The following SPATA16 variants were observed in gnomAD, a reference collection of about 807,000 sequenced individuals.
SPATA16 encodes spermatogenesis-associated protein 16.
SPATA16 carries 36 observed loss-of-function variants against 63.3 expected under a neutral mutation model. That is an observed-to-expected ratio of 0.57 (90% CI 0.44 to 0.75). SPATA16 has a LOEUF of 0.75. Ranked by LOEUF, SPATA16 falls within the 30% of genes least tolerant of loss-of-function variation. The pLI is 0.00. For synonymous variants in SPATA16, 203 were observed against 216.7 expected, an observed-to-expected ratio of 0.94 and a Z score of 0.56; for missense variants, 646 against 679.3, an observed-to-expected ratio of 0.95 and a Z score of 0.54.
At chr3:172,984,267 C>G (rs1448314095) in intron 4 of SPATA16, among the ~76,000 whole-genome samples, 2 of 152,182 alleles carry the variant, frequency 1.3e-5, no homozygotes, top group African/African-American at 4.8e-5. Context: ...CGACGCTGAT[C>G]TAGACTGTAA....
intron 3 of SPATA16, among the ~76,000 whole-genome samples, chr3:173,023,807 A>C (rs758105085): frequency 2.8e-4 from 42 of 151,668 alleles, no homozygotes; most frequent in Non-Finnish European, 5.5e-4. Flanking sequence ...AAAACTCTGC[A>C]TGAGAATATA....
rs755609627 is a variant in SPATA16 at position 172,925,383 on chromosome 3, CA to C, written c.1190del (p.Leu397TrpfsTer21). On this transcript the variant is annotated frameshift_variant, in exon 7 of 11. Transcript: ENST00000351008. LOFTEE classifies it high-confidence loss of function. Reference protein sequence around the residue: ...GFKNKDDGKFLEKISSRKLPI... With the variant: ...GFKNKDDGKFXEKISSRKLPI... ...GCAGCTTCCTGCTTGATATTTTTTC[CA>C]AAAATTTTCCATCATCTTTGTTTTT... 3.1e-6 allele frequency: 5 copies of C among 1,613,860 alleles called. No homozygotes were observed. Among genetic ancestry groups the C allele is most frequent in the Non-Finnish European group, 4.2e-6 (5 of 1,179,918 alleles).
At chr3:172,939,108 A>G (rs1733083363) in intron 6 of SPATA16, among the ~76,000 whole-genome samples, 1 of 152,058 alleles carries the variant, frequency 6.6e-6, no homozygotes, top group Non-Finnish European at 1.5e-5. Context: ...GGCCAAAACC[A>G]ATGTATACTC....
intron 6 of SPATA16, among the ~76,000 whole-genome samples, chr3:172,942,290 G>A (rs1392109): frequency 0.087 from 13,188 of 151,838 alleles, 1,895 homozygotes; most frequent in African/African-American, 0.3. Context: ...TAATTAAATA[G>A]ATAAATAAGT....
At chr3:173,063,845 T>C (rs528413880) in intron 2 of SPATA16, among the ~76,000 whole-genome samples, 1 of 152,334 alleles carries the variant, frequency 6.6e-6, no homozygotes, top group East Asian at 1.9e-4. Context: ...AAAAGTTATA[T>C]GCTTATAAAA....
chr3:173,123,924 T>G (rs1738157412), intron 1 of SPATA16, among the ~76,000 whole-genome samples: 1 of 152,118 alleles, frequency 6.6e-6, no homozygotes, highest in Non-Finnish European at 1.5e-5. Context: ...TTTTTAGTGT[T>G]TTTAAAGATC....
chr3:173,014,814 G>T (rs1406218123), intron 4 of SPATA16, among the ~76,000 whole-genome samples: 1 of 152,064 alleles, frequency 6.6e-6, no homozygotes, highest in African/African-American at 2.4e-5. Context: ...TGTTTTCCTG[G>T]CGTAATTCTT....
At chr3:173,088,030 CTTTCTT>C (rs1737111957) in intron 2 of SPATA16, among the ~76,000 whole-genome samples, 4 of 130,310 alleles carry the variant, frequency 3.1e-5, no homozygotes, top group African/African-American at 1.1e-4. Context: ...TTCTTTCTTT[CTTTCTT>C]TCTTTCTTTC....
At chr3:173,014,033 A>G (rs1445406359) in intron 4 of SPATA16, among the ~76,000 whole-genome samples, 1 of 152,132 alleles carries the variant, frequency 6.6e-6, no homozygotes, top group African/African-American at 2.4e-5. Flanking sequence ...TCCCGCCTCA[A>G]AAGAACTTAA....
chr3:173,067,444 G>T (rs1736548312), intron 2 of SPATA16, among the ~76,000 whole-genome samples: 1 of 152,192 alleles, frequency 6.6e-6, no homozygotes. Flanking sequence ...CCTACTTGAA[G>T]ATGGAGAATG....
chr3:173,104,674 G>A (rs1031272963), intron 2 of SPATA16, among the ~76,000 whole-genome samples: 1 of 152,136 alleles, frequency 6.6e-6, no homozygotes, highest in African/African-American at 2.4e-5. Flanking sequence ...CCCAACTCTA[G>A]CACAGAGGAT....
At chr3:172,897,045 C>A (rs1732024032) in intron 10 of SPATA16, among the ~76,000 whole-genome samples, 1 of 151,864 alleles carries the variant, frequency 6.6e-6, no homozygotes, top group Non-Finnish European at 1.5e-5. Context: ...TTTTCCTATT[C>A]TTTTGTAGAA....
chr3:173,011,505 G>C (rs1017253702), intron 4 of SPATA16, among the ~76,000 whole-genome samples: 1 of 152,200 alleles, frequency 6.6e-6, no homozygotes, highest in Non-Finnish European at 1.5e-5. Flanking sequence ...AGACCAGCCA[G>C]CAACCTACTA....
intron 5 of SPATA16, among the ~76,000 whole-genome samples, chr3:172,959,907 AT>A (rs574760352): frequency 2.7e-5 from 4 of 149,666 alleles, no homozygotes; most frequent in South Asian, 2.1e-4. Context: ...AAATAGTAGG[AT>A]TTTTTTTGAC....
chr3:172,944,690 A>G (rs1033113305), intron 6 of SPATA16, among the ~76,000 whole-genome samples: 5 of 152,254 alleles, frequency 3.3e-5, no homozygotes, highest in African/African-American at 7.2e-5. Flanking sequence ...ATTGGCTACA[A>G]TATGGATGAA....
chr3:173,109,592 G>A (rs1176459295), intron 2 of SPATA16, among the ~76,000 whole-genome samples: 4 of 151,800 alleles, frequency 2.6e-5, no homozygotes, highest in South Asian at 4.2e-4. Flanking sequence ...TATTCCATCG[G>A]GGTTGGGATG....
chr3:172,961,014 CTTTTTCTCTCTT>C (rs1560080160), intron 5 of SPATA16, among the ~76,000 whole-genome samples: 1 of 80,192 alleles, frequency 1.2e-5, no homozygotes, highest in East Asian at 3.4e-4. Context: ...TTCTTTCTTT[CTTTTTCTCTCTT>C]TCTCTCTTTC....
intron 2 of SPATA16, among the ~76,000 whole-genome samples, chr3:173,104,189 C>A (rs1737566896): frequency 6.6e-6 from 1 of 152,146 alleles, no homozygotes; most frequent in Non-Finnish European, 1.5e-5. Flanking sequence ...ATTTTGGTTA[C>A]AATTATTTAA....
At chr3:173,020,687 T>TAG (rs1256143044) in intron 3 of SPATA16, among the ~76,000 whole-genome samples, 1 of 152,190 alleles carries the variant, frequency 6.6e-6, no homozygotes, top group Non-Finnish European at 1.5e-5. Context: ...TTGCTCAAGG[T>TAG]GTTTGATATA....
Sources: allele counts gnomAD v4.1 joint callset (sites outside exome capture counted in the v4.1 genomes callset), GRCh38; gene constraint gnomAD v4.1.1; transcripts MANE v1.5; gene names NCBI Gene and HGNC (gene_info 2026-07-23, HGNC 2026-07-21).